Variants in CCP110 observed in about 807,000 individuals in gnomAD.
CCP110 encodes centriolar coiled-coil protein 110.
A neutral mutation model predicts 105.5 loss-of-function variants in CCP110; 43 were observed. That is an observed-to-expected ratio of 0.41 (90% CI 0.32 to 0.53). The LOEUF is 0.53. Ranked by LOEUF, CCP110 falls within the 20% of genes least tolerant of loss-of-function variation. The pLI is 0.32. For synonymous variants in CCP110, 353 were observed against 392.1 expected (o/e 0.90, Z 1.18); for missense variants, 1,016 against 1,189.1 (o/e 0.85, Z 2.14).
intron 1 of CCP110, 124 bp from the exon 2 acceptor site, chr16:19,527,743 T>C: frequency 1.6e-6 from 1 of 631,704 alleles, no homozygotes; most frequent in Non-Finnish European, 2.5e-6. Context: ...AGTAAGACAA[T>C]TCTGGGAGGA....
intron 2 of CCP110, among the ~76,000 whole-genome samples, 156 bp from the exon 3 acceptor site, chr16:19,532,260 C>T (rs910486033): frequency 5.3e-5 from 8 of 152,126 alleles, no homozygotes; most frequent in African/African-American, 1.9e-4. Context: ...TCTCTAATGC[C>T]CCATCCCACT....
intron 14 of CCP110, among the ~76,000 whole-genome samples, chr16:19,549,739 C>G (rs1451830837): frequency 6.6e-6 from 1 of 152,168 alleles, no homozygotes; most frequent in African/African-American, 2.4e-5. Context: ...TGTTAGTATT[C>G]TATATTGCAC....
At chr16:19,542,404 G>C (rs975578876) in intron 6 of CCP110, among the ~76,000 whole-genome samples, 1 of 152,134 alleles carries the variant, frequency 6.6e-6, no homozygotes, top group Non-Finnish European at 1.5e-5. Flanking sequence ...CCTTTAAATA[G>C]CTTATCTTCA....
At chr16:19,551,373 A>G in exon 15 of CCP110, 1 of 807,520 alleles carries the variant, frequency 1.2e-6, no homozygotes, top group Non-Finnish European at 2.2e-6. Flanking sequence ...AAGGCTGAGC[A>G]CTTATCTGGA....
In CCP110 at chr16:19,545,088, G is replaced by A. The variant is rs758726829; in HGVS notation, c.2587-6G>A. ...TGTATACAATATTTTCTTCTCTTGTGCCTAGTTGCGAGCTGCCTTGTACGG... is the reference window on the plus strand; with the variant it reads ...TGTATACAATATTTTCTTCTCTTGTACCTAGTTGCGAGCTGCCTTGTACGG... On this transcript the variant is annotated splice_polypyrimidine_tract_variant and splice_region_variant and intron_variant, in intron 9 of 14. Coordinates refer to ENST00000381396, the Ensembl canonical transcript of CCP110. 1.9e-5 allele frequency: 29 copies of A among 1,549,852 alleles called. No homozygotes were observed. In the South Asian group the frequency reaches 3.2e-4, roughly 17 times the overall value.
chr16:19,538,952 A>C (rs531149587), intron 4 of CCP110, among the ~76,000 whole-genome samples: 3 of 152,034 alleles, frequency 2.0e-5, no homozygotes, highest in Admixed American at 1.3e-4. Flanking sequence ...TCTCTACTAA[A>C]AATACAAAAA....
intron 4 of CCP110, among the ~76,000 whole-genome samples, chr16:19,539,268 T>A (rs190485884): frequency 6.7e-6 from 1 of 149,722 alleles, no homozygotes; most frequent in Non-Finnish European, 1.5e-5. Context: ...TTATTACTGA[T>A]ATAGAAGACA....
intron 12 of CCP110, 71 bp downstream of exon 12, chr16:19,546,545 G>C: frequency 4.7e-6 from 4 of 858,172 alleles, no homozygotes; most frequent in Non-Finnish European, 7.6e-6. Flanking sequence ...GGCTGGGCAC[G>C]GTGGCTCACG....
At chr16:19,540,709 G>C in exon 5 of CCP110, 1 of 1,612,994 alleles carries the variant, frequency 6.2e-7, no homozygotes, top group Non-Finnish European at 8.5e-7. Context: ...AAATGCGGAA[G>C]AGACTAGAAG....
intron 2 of CCP110, among the ~76,000 whole-genome samples, chr16:19,528,700 A>G (rs1175222580): frequency 6.6e-6 from 1 of 152,204 alleles, no homozygotes; most frequent in African/African-American, 2.4e-5. Context: ...ATTCAAGACT[A>G]GCCTGGTCAA....
chr16:19,524,743 A>C (rs1435094096), intron 1 of CCP110: 1 of 152,222 alleles, frequency 6.6e-6, no homozygotes, highest in Non-Finnish European at 1.5e-5. Flanking sequence ...GGACAGGGAA[A>C]TGAGGAAGCC....
intron 5 of CCP110, 146 bp from the exon 6 acceptor site, chr16:19,541,737 AGAAG>A (rs67708606): frequency 0.14 from 62,592 of 449,612 alleles, 4,846 homozygotes; most frequent in East Asian, 0.19. Flanking sequence ...AAGGGAAGGG[AGAAG>A]GAAGGAAGGA....
chr16:19,533,437 A>C (rs1361082459), intron 3 of CCP110, among the ~76,000 whole-genome samples: 1 of 152,120 alleles, frequency 6.6e-6, no homozygotes, highest in Non-Finnish European at 1.5e-5. Context: ...TCAGTGTATA[A>C]AGGGGAGAGA....
At chr16:19,549,466 A>C (rs1184421338) in intron 14 of CCP110, among the ~76,000 whole-genome samples, 1 of 152,258 alleles carries the variant, frequency 6.6e-6, no homozygotes, top group Non-Finnish European at 1.5e-5. Context: ...TATTGGTCGT[A>C]ACTTTGAAAT....
chr16:19,535,887 C>T (rs1970033193), intron 3 of CCP110, 53 bp from the exon 4 acceptor site: 1 of 1,195,232 alleles, frequency 8.4e-7, no homozygotes, highest in Non-Finnish European at 1.2e-6. Context: ...ACAGTGAAAT[C>T]AGAGACTTTT....
intron 3 of CCP110, among the ~76,000 whole-genome samples, chr16:19,535,498 A>G (rs1209854257): frequency 6.6e-6 from 1 of 152,192 alleles, no homozygotes; most frequent in African/African-American, 2.4e-5. Flanking sequence ...AAGACATTTC[A>G]TTACTTGCTG....
At chr16:19,541,680 GAGAA>G (rs1301290135) in intron 5 of CCP110, among the ~76,000 whole-genome samples, 1 of 129,956 alleles carries the variant, frequency 7.7e-6, no homozygotes, top group South Asian at 2.5e-4. Flanking sequence ...GAGAGAGAGA[GAGAA>G]AGGAAGGAAG....
chr16:19,546,552 C>T, intron 12 of CCP110, 78 bp downstream of exon 12: 2 of 807,524 alleles, frequency 2.5e-6, no homozygotes, highest in South Asian at 1.6e-5. Context: ...CACGGTGGCT[C>T]ACGCCTGTAA....
At chr16:19,544,225 G>A (rs2005396) in intron 8 of CCP110, among the ~76,000 whole-genome samples, 8,919 of 152,138 alleles carry the variant, frequency 0.059, 342 homozygotes, top group Middle Eastern at 0.12. Context: ...GAAATATTGG[G>A]GGCTGGTCCC....
Sources: gnomAD v4.1 joint callset for allele counts (sites outside exome capture counted in the v4.1 genomes callset) on GRCh38, gnomAD v4.1.1 for gene constraint, MANE v1.5 for transcripts, NCBI Gene and HGNC (gene_info 2026-07-23, HGNC 2026-07-21) for gene names.